Variants in GMEB1 observed in about 807,000 individuals in gnomAD.
GMEB1 encodes the protein glucocorticoid modulatory element-binding protein 1.
In GMEB1, 6 loss-of-function variants were observed where a neutral mutation model predicts 52.4. That is an observed-to-expected ratio of 0.11 (90% CI 0.06 to 0.23). GMEB1 has a LOEUF of 0.23. Among genes scored for constraint, GMEB1 ranks in the 10% least tolerant of loss-of-function variants. The pLI is 1.00. For synonymous variants in GMEB1, 255 were observed against 244.9 expected (o/e 1.04, Z -0.38); for missense variants, 486 against 685.6 (o/e 0.71, Z 3.25).
chr1:28,680,542 C>G (rs1669346253), intron 1 of GMEB1, among the ~76,000 whole-genome samples: 1 of 151,570 alleles, frequency 6.6e-6, no homozygotes, highest in Admixed American at 6.6e-5. Context: ...CAAGACCATC[C>G]TGGCCAATAT....
chr1:28,705,143 C>T (rs1024231586), intron 8 of GMEB1, among the ~76,000 whole-genome samples: 5 of 146,380 alleles, frequency 3.4e-5, no homozygotes, highest in African/African-American at 1.3e-4. Flanking sequence ...AATCCCAGTA[C>T]ATTAGGAGGC....
At chr1:28,671,821 AAAT>A (rs1313506492) in intron 1 of GMEB1, among the ~76,000 whole-genome samples, 6 of 151,994 alleles carry the variant, frequency 3.9e-5, no homozygotes, top group Non-Finnish European at 8.8e-5. Flanking sequence ...AGTGTGGAAT[AAAT>A]AAATATTTTG....
At chr1:28,669,072 G>C (rs1668751573) in intron 1 of GMEB1, among the ~76,000 whole-genome samples, 2 of 147,266 alleles carry the variant, frequency 1.4e-5, no homozygotes, top group South Asian at 4.2e-4. Flanking sequence ...GTCCGCCCGA[G>C]CCGCCGGGCC....
chr1:28,714,036 C>T lies in GMEB1; in HGVS notation c.992-37C>T, dbSNP rs529578310. ...TCAGTTTAATGCTCCCAAGATTTTA[C>T]TTCCCTCTACACAAAGTCTTTTCTT... is the stretch of plus-strand genomic sequence containing the variant. On this transcript the variant is annotated intron_variant, in intron 9 of 9. Coordinates refer to ENST00000373816, the MANE Select transcript of GMEB1 (RefSeq NM_001319674.2). 26 of 1,479,920 alleles carry T rather than the reference C, an allele frequency of 1.8e-5. No individual in the cohort carries two copies. In the East Asian group the frequency reaches 5.9e-4, roughly 34 times the overall value. 91.7% of individuals were successfully genotyped at this position (1,479,920 alleles called of 1,614,324 possible). A position where few individuals can be genotyped will look rare whatever the true frequency, so the allele number is the denominator to read the frequency against.
At chr1:28,706,092 T>C (rs143482646) in intron 8 of GMEB1, among the ~76,000 whole-genome samples, 1,986 of 151,836 alleles carry the variant, frequency 0.013, 40 homozygotes, top group African/African-American at 0.045. Context: ...AGGCAGAACA[T>C]GCAGTGAGCC....
chr1:28,669,887 A>C (rs1668803296), intron 1 of GMEB1, among the ~76,000 whole-genome samples: 1 of 152,196 alleles, frequency 6.6e-6, no homozygotes, highest in Admixed American at 6.5e-5. Context: ...TCTCAACCCG[A>C]GGGTCTTTGG....
chr1:28,678,895 T>TG (rs1219384904), intron 1 of GMEB1, among the ~76,000 whole-genome samples: 1 of 151,532 alleles, frequency 6.6e-6, no homozygotes, highest in Non-Finnish European at 1.5e-5. Context: ...TAGTTGTTTT[T>TG]TTTGTTTGTT....
intron 2 of GMEB1, among the ~76,000 whole-genome samples, chr1:28,689,048 CCTGA>C (rs1462091630): frequency 6.6e-6 from 1 of 151,872 alleles, no homozygotes; most frequent in African/African-American, 2.4e-5. Flanking sequence ...CGCCACCATG[CCTGA>C]CTAATTTTTG....
At position 28,696,228 on chromosome 1, in the gene GMEB1, G is replaced by A. The variant is rs531177297; in HGVS notation, c.441-699G>A. Among the ~76,000 whole-genome samples the A allele has an allele frequency of 4.0e-5, 6 of 151,846 alleles. No homozygotes were observed. In the South Asian group the frequency reaches 1.0e-3, roughly 26 times the overall value. On this transcript the variant is annotated intron_variant, in intron 5 of 9. Transcript: ENST00000373816. ...ACTACAGGCCTCAGCTACCATGCCT[G>A]GCTGATTTTTGTATTTTTTATAGAA...
chr1:28,698,072 G>A (rs754476986), intron 6 of GMEB1, among the ~76,000 whole-genome samples: 1 of 151,364 alleles, frequency 6.6e-6, no homozygotes, highest in Non-Finnish European at 1.5e-5. Flanking sequence ...CTCGGGAGGC[G>A]GAGCTTGCAG....
rs368736183 is a variant in GMEB1, at chr1:28,714,688, T to G, written c.1607T>G (p.Leu536Arg). The G allele has an allele frequency of 6.2e-7, 1 of 1,614,062 alleles. No individual in the cohort carries two copies. The highest frequency in any genetic ancestry group is 1.7e-5 in the Admixed American group (1 of 59,998). The change falls in exon 10 of 10, where the codon CTG becomes CGG. Residue 536 changes from leucine to arginine, a missense_variant. This residue lies in a region of GMEB1 where 153 missense variants were observed against 200.8 expected (regional missense o/e 0.76). Coordinates refer to ENST00000373816, the MANE Select transcript of GMEB1 (RefSeq NM_001319674.2). ...AAAGCAGTCATCTTGGAGACAGAGC[T>G]GAGGACTGAGGAGAAAGTTGTGGCT... is the stretch of plus-strand genomic sequence containing the variant. ...EGKAVILETE[L>R]RTEEKVVAEM...
At chr1:28,683,553 T>A in intron 1 of GMEB1, 30 bp from the exon 2 acceptor site, 2 of 1,541,258 alleles carry the variant, frequency 1.3e-6, no homozygotes, top group Non-Finnish European at 1.8e-6. Context: ...TAAACCAGAT[T>A]AAGTTATTGG....
chr1:28,704,221 G>A lies in GMEB1; in HGVS notation c.760G>A (p.Ala254Thr), dbSNP rs1557518255. The change falls in exon 8 of 10, where the codon GCT becomes ACT. Residue 254 changes from alanine to threonine, a missense_variant. Ala to Thr is a moderately conservative substitution (Grantham distance 58, BLOSUM62 0). Transcript: ENST00000373816. ...CACTTTGATGTTCTGGAAAGGAATA[G>A]CTGATGTAGGGCTGATGGAAGAGGT... Reference protein sequence around the residue: ...EDTLMFWKGIADVGLMEEVVC... With the variant: ...EDTLMFWKGITDVGLMEEVVC... 1.2e-6 allele frequency: 2 copies of A among 1,613,268 alleles called. No individual in the cohort carries two copies.
intron 5 of GMEB1, among the ~76,000 whole-genome samples, chr1:28,695,938 C>CAAAAAA (rs58978972): frequency 7.3e-5 from 3 of 41,052 alleles, no homozygotes; most frequent in African/African-American, 2.3e-4. Flanking sequence ...GACTCCGTCT[C>CAAAAAA]AAAAAAAAAA....
chr1:28,670,194 C>A (rs1254360773), intron 1 of GMEB1, among the ~76,000 whole-genome samples: 1 of 119,578 alleles, frequency 8.4e-6, no homozygotes, highest in Non-Finnish European at 1.9e-5. Context: ...GAGACGGAGT[C>A]TCACTCTATC....
In GMEB1 at chr1:28,696,999, C is replaced by T; in HGVS notation, c.513C>T (p.Thr171=). 1.9e-6 allele frequency: 3 copies of T among 1,610,220 alleles called. No individual in the cohort carries two copies. Among genetic ancestry groups the T allele is most frequent in the Non-Finnish European group, 2.5e-6 (3 of 1,177,880 alleles). ...TTTGCTCCAATACCTGCAGAAGCAC[C>T]AAATTTGATCTTCTGATCAGCAGTG... is the stretch of plus-strand genomic sequence containing the variant. ...DKVCSNTCRS[T]KFDLLISSAR... The change falls in exon 6 of 10, where the codon ACC becomes ACT. Residue 171 remains threonine, a synonymous_variant. Coordinates refer to ENST00000373816, the MANE Select transcript of GMEB1 (RefSeq NM_001319674.2).
intron 1 of GMEB1, among the ~76,000 whole-genome samples, chr1:28,678,439 A>G (rs1323913225): frequency 6.6e-6 from 1 of 150,838 alleles, no homozygotes; most frequent in Non-Finnish European, 1.5e-5. Flanking sequence ...CCTCCCGAGT[A>G]GCTTGGACTA....
intron 9 of GMEB1, among the ~76,000 whole-genome samples, chr1:28,711,338 G>A (rs966756296): frequency 3.3e-5 from 5 of 149,824 alleles, no homozygotes; most frequent in Admixed American, 2.0e-4. Flanking sequence ...ACTGGTTTTT[G>A]TTAGAAATAC....
chr1:28,713,051 A>G (rs1671135322), intron 9 of GMEB1, among the ~76,000 whole-genome samples: 2 of 149,958 alleles, frequency 1.3e-5, no homozygotes, highest in African/African-American at 4.9e-5. Context: ...CCAGCTACTC[A>G]GGAGGCTGAG....
Sources: gnomAD v4.1 joint callset for allele counts (sites outside exome capture counted in the v4.1 genomes callset) on GRCh38, gnomAD v4.1.1 for gene constraint, gnomAD v4.1.1 regional missense constraint, MANE v1.5 for transcripts, NCBI Gene and HGNC (gene_info 2026-07-23, HGNC 2026-07-21) for gene names.